Variants in ADORA2B observed in about 807,000 individuals in gnomAD.
ADORA2B encodes adenosine A2b receptor, also known as adenosine receptor A2b.
In ADORA2B, 18 loss-of-function variants were observed where a neutral mutation model predicts 20.8. That is an observed-to-expected ratio of 0.87 (90% CI 0.60 to 1.29). The LOEUF is 1.29. Ranked by LOEUF, ADORA2B falls within the 50% of genes most tolerant of loss-of-function variation. The pLI, the probability that ADORA2B is intolerant of heterozygous loss-of-function variation, is 0.00. For missense variants in ADORA2B, 441 were observed against 422.7 expected (o/e 1.04, Z -0.38); for synonymous variants, 179 against 178.3 (o/e 1.00, Z -0.03).
At chr17:15,859,768 A>G in the ADORA2B span, among the ~76,000 whole-genome samples, 3 of 152,200 alleles carry the variant, frequency 2.0e-5, no homozygotes, top group Non-Finnish European at 4.4e-5. Context: ...CCTAGGCAAC[A>G]TAGCGAAACT....
At chr17:15,881,921 C>T in the ADORA2B span, among the ~76,000 whole-genome samples, 1 of 152,300 alleles carries the variant, frequency 6.6e-6, no homozygotes, top group East Asian at 1.9e-4. Context: ...CGGAGTTAGA[C>T]CCATAATCCT....
chr17:15,960,791 G>A (rs1220462337), intron 1 of ADORA2B, among the ~76,000 whole-genome samples: 3 of 151,398 alleles, frequency 2.0e-5, no homozygotes, highest in African/African-American at 7.3e-5. Flanking sequence ...CAGGAGAATG[G>A]CGTGAGTCCA....
At chr17:15,965,773 G>A (rs1406709888) in intron 1 of ADORA2B, among the ~76,000 whole-genome samples, 2 of 152,262 alleles carry the variant, frequency 1.3e-5, no homozygotes, top group African/African-American at 2.4e-5. Context: ...ATCCTAGCCT[G>A]CTGGGGTCTT....
At chr17:15,917,457 C>A in the ADORA2B span, among the ~76,000 whole-genome samples, 1 of 152,228 alleles carries the variant, frequency 6.6e-6, no homozygotes, top group Admixed American at 6.5e-5. Context: ...CTCCTCAGGG[C>A]TGCGGCCGCC....
the ADORA2B span, among the ~76,000 whole-genome samples, chr17:15,924,497 C>T: frequency 2.0e-5 from 3 of 152,164 alleles, no homozygotes; most frequent in East Asian, 1.9e-4. Flanking sequence ...TTTGGGAGGC[C>T]GAGTCGGGCA....
At chr17:15,889,668 C>T in the ADORA2B span, among the ~76,000 whole-genome samples, 12 of 130,016 alleles carry the variant, frequency 9.2e-5, 5 homozygotes, top group African/African-American at 3.9e-4. Context: ...AAGACCAAGG[C>T]GGGTAGATCA....
chr17:15,974,478 G>C, intron 1 of ADORA2B: 2 of 534,222 alleles, frequency 3.7e-6, no homozygotes, highest in Non-Finnish European at 6.6e-6. Context: ...AGTCAAGAAT[G>C]AAGATCTTAC....
At chr17:15,874,093 TATACACACACACACATATATAC>T in the ADORA2B span, among the ~76,000 whole-genome samples, 2 of 130,530 alleles carry the variant, frequency 1.5e-5, no homozygotes, top group Admixed American at 7.9e-5. Context: ...TATATATATG[TATACACACACACACATATATAC>T]ATACACACAC....
intron 1 of ADORA2B, among the ~76,000 whole-genome samples, chr17:15,955,775 G>A (rs1372061189): frequency 1.3e-5 from 2 of 149,336 alleles, no homozygotes; most frequent in East Asian, 3.9e-4. Flanking sequence ...CTGGAGTGCA[G>A]TGGCACAATC....
the ADORA2B span, among the ~76,000 whole-genome samples, chr17:15,877,000 T>C: frequency 6.6e-6 from 1 of 152,222 alleles, no homozygotes; most frequent in Non-Finnish European, 1.5e-5. Context: ...TGAAATCATA[T>C]AGTATTTGTC....
At chr17:15,881,155 A>C in the ADORA2B span, among the ~76,000 whole-genome samples, 1 of 152,038 alleles carries the variant, frequency 6.6e-6, no homozygotes, top group Admixed American at 6.5e-5. Flanking sequence ...AGGCTGGAGT[A>C]CAGTGGCACA....
chr17:15,876,776 A>G, the ADORA2B span, among the ~76,000 whole-genome samples: 2 of 152,136 alleles, frequency 1.3e-5, no homozygotes, highest in East Asian at 3.8e-4. Context: ...AAATACGTAT[A>G]ACATAAAATT....
At chr17:15,863,768 T>A in the ADORA2B span, among the ~76,000 whole-genome samples, 15 of 152,344 alleles carry the variant, frequency 9.8e-5, no homozygotes, top group Admixed American at 7.8e-4. Flanking sequence ...TAGCCTGAAT[T>A]ATATTTACAC....
chr17:15,974,704 C>A lies in ADORA2B; in HGVS notation c.361C>A (p.Arg121=). The A allele has an allele frequency of 6.2e-7, 1 of 1,613,530 alleles. No homozygotes were observed. Among genetic ancestry groups the A allele is most frequent in the Non-Finnish European group, 8.5e-7 (1 of 1,179,608 alleles). Residue 121 remains arginine, a synonymous_variant, in exon 2 of 2, where the codon CGA becomes AGA. Coordinates refer to ENST00000304222, the MANE Select transcript of ADORA2B (RefSeq NM_000676.4). ...LRYKSLVTGT[R]ARGVIAVLWV... ...GTATAAAAGTTTGGTCACGGGGACCCGAGCAAGAGGGGTCATTGCTGTCCT... is the reference window on the plus strand; with the variant it reads ...GTATAAAAGTTTGGTCACGGGGACCAGAGCAAGAGGGGTCATTGCTGTCCT...
the ADORA2B span, among the ~76,000 whole-genome samples, chr17:15,866,700 T>TCTGCCG: frequency 8.1e-5 from 10 of 123,238 alleles, no homozygotes; most frequent in African/African-American, 2.7e-4. Flanking sequence ...TGCCTCTGCC[T>TCTGCCG]CTGCCGCTGC....
chr17:15,863,345 A>AT, the ADORA2B span, among the ~76,000 whole-genome samples: 2 of 151,062 alleles, frequency 1.3e-5, no homozygotes, highest in South Asian at 2.1e-4. Flanking sequence ...ACCTTGAAAA[A>AT]TTTTTTTTTA....
At chr17:15,869,447 A>G in the ADORA2B span, among the ~76,000 whole-genome samples, 266 of 152,254 alleles carry the variant, frequency 1.7e-3, 2 homozygotes, top group African/African-American at 6.1e-3. Flanking sequence ...TTATTTTGTT[A>G]TCGTCATTCA....
chr17:15,942,325 C>A (rs939697048), upstream of ADORA2B, among the ~76,000 whole-genome samples: 17 of 152,060 alleles, frequency 1.1e-4, no homozygotes, highest in Non-Finnish European at 2.5e-4. Context: ...ACCTCTTGCT[C>A]CTGCTTTCCC....
Sources: gnomAD v4.1 joint callset for allele counts (sites outside exome capture counted in the v4.1 genomes callset) on GRCh38, gnomAD v4.1.1 for gene constraint, MANE v1.5 for transcripts, NCBI Gene and HGNC (gene_info 2026-07-23, HGNC 2026-07-21) for gene names.